Variants in AGAP6 observed in about 807,000 individuals in gnomAD.
AGAP6 encodes the protein ArfGAP with GTPase domain, ankyrin repeat and PH domain 6, also known as arf-GAP with GTPase, ANK repeat and PH domain-containing protein 6.
Under a neutral mutation model 63.9 loss-of-function variants are expected in AGAP6, and 29 were observed. The ratio of observed to expected loss-of-function variants is 0.45; its 90% CI spans 0.34 to 0.62. The LOEUF is 0.62. Ranked by LOEUF, AGAP6 falls within the 20% of genes least tolerant of loss-of-function variation. The pLI is 0.01. For missense variants in AGAP6, 493 were observed against 884.9 expected (o/e 0.56, Z 5.62); for synonymous variants, 199 against 332.9 (o/e 0.60, Z 4.38).
chr10:50,005,446 C>T (rs1841881174), intron 6 of AGAP6, among the ~76,000 whole-genome samples: 1 of 152,138 alleles, frequency 6.6e-6, no homozygotes, highest in Admixed American at 6.5e-5. Context: ...CCCGTCTCTA[C>T]TAAAAATACA....
chr10:50,010,406 GC>G lies in AGAP6; in HGVS notation c.*222del. On this transcript the variant is annotated 3_prime_UTR_variant, in exon 8 of 8. Transcript: ENST00000412531. ...GATTTGTTAGTCTCAGGCCCTCCTG[GC>G]CACATTGCCCAAGTCACACAGGCTT... 1 of 930,114 alleles carries G rather than the reference GC, an allele frequency of 1.1e-6. No homozygotes were observed. The highest frequency in any genetic ancestry group is 1.6e-6 in the Non-Finnish European group (1 of 621,084). 57.6% of individuals were successfully genotyped at this position (930,114 alleles called of 1,614,324 possible).
intron 2 of AGAP6, among the ~76,000 whole-genome samples, chr10:49,991,394 T>TG (rs1380670545): frequency 2.7e-5 from 4 of 149,866 alleles, no homozygotes; most frequent in East Asian, 2.0e-4. Flanking sequence ...GTTTTTTTTT[T>TG]TTTTTTTTTT....
At position 49,993,901 on chromosome 10, in the gene AGAP6, G is replaced by T. The variant is rs542456336; in HGVS notation, c.362-494G>T. ...TTTTTAATTTTGATTTGTTTTTAGTGACATATTAGTAGATAACCACTAAGT... is the reference window on the plus strand; with the variant it reads ...TTTTTAATTTTGATTTGTTTTTAGTTACATATTAGTAGATAACCACTAAGT... On this transcript the variant is annotated intron_variant, in intron 3 of 7. Coordinates refer to ENST00000412531, the MANE Select transcript of AGAP6 (RefSeq NM_001077665.3). Among the ~76,000 whole-genome samples the T allele has an allele frequency of 3.9e-5, 6 of 151,900 alleles. 1 individual carries two copies. In the Middle Eastern group the frequency reaches 0.014, roughly 349 times the overall value.
intron 6 of AGAP6, among the ~76,000 whole-genome samples, chr10:50,005,096 C>A (rs1241134118): frequency 1.3e-5 from 2 of 152,112 alleles, no homozygotes; most frequent in East Asian, 3.8e-4. Flanking sequence ...TGGCCTCTAC[C>A]AACTAGATGT....
chr10:50,006,776 C>A (rs555012034), intron 6 of AGAP6, among the ~76,000 whole-genome samples: 4 of 151,542 alleles, frequency 2.6e-5, no homozygotes, highest in African/African-American at 9.8e-5. Flanking sequence ...AAAAAAAAAG[C>A]GCTTCTGGTT....
intron 3 of AGAP6, among the ~76,000 whole-genome samples, chr10:49,993,746 G>A (rs1179841563): frequency 4.0e-5 from 6 of 151,754 alleles, no homozygotes; most frequent in African/African-American, 1.5e-4. Context: ...GTTGAACCTG[G>A]GAGGCAGAGG....
intron 6 of AGAP6, among the ~76,000 whole-genome samples, chr10:50,006,604 C>T (rs1274568563): frequency 2.6e-5 from 4 of 152,078 alleles, no homozygotes; most frequent in African/African-American, 7.2e-5. Flanking sequence ...CTCGAACTCC[C>T]GAAGGAGCTC....
At chr10:50,003,941 T>C (rs1589101674) in intron 5 of AGAP6, among the ~76,000 whole-genome samples, 1 of 152,348 alleles carries the variant, frequency 6.6e-6, no homozygotes, top group Non-Finnish European at 1.5e-5. Context: ...CATGCTAATA[T>C]TACAGGCTTT....
Position 49,999,153 on chromosome 10 carries a change from G to A in AGAP6, c.397-2843G>A, listed in dbSNP as rs1217383093. Among the ~76,000 whole-genome samples the A allele has an allele frequency of 9.5e-5, 13 of 136,484 alleles. 3 individuals carry two copies. The Admixed American group carries it at 1.0e-3, about 10-fold the overall frequency. The allele number at this position is 136,484 out of a possible 152,430, so 89.5% of individuals were successfully genotyped here. On this transcript the variant is annotated intron_variant, in intron 4 of 7. Coordinates refer to ENST00000412531, the MANE Select transcript of AGAP6 (RefSeq NM_001077665.3). ...CTCAGGTGGCTGAGGCAGGAGAATC[G>A]CTTGAACCTCGGAGGCAGAGGTTGC... is the stretch of plus-strand genomic sequence containing the variant.
chr10:49,999,532 G>A (rs1841616535), intron 4 of AGAP6, among the ~76,000 whole-genome samples: 1 of 133,430 alleles, frequency 7.5e-6, no homozygotes, highest in Non-Finnish European at 1.6e-5. Flanking sequence ...AAAGTTGAAA[G>A]CATTCCCCCC....
At position 50,010,393 on chromosome 10, in the gene AGAP6, T is replaced by A; in HGVS notation, c.*207T>A. ...TTCTGCCAAGGTGGATTTGTTAGTC[T>A]CAGGCCCTCCTGGCCACATTGCCCA... is the stretch of plus-strand genomic sequence containing the variant. On this transcript the variant is annotated 3_prime_UTR_variant, in exon 8 of 8. Coordinates refer to ENST00000412531, the MANE Select transcript of AGAP6 (RefSeq NM_001077665.3). 1 of 1,123,252 alleles carries A rather than the reference T, an allele frequency of 8.9e-7. No individual in the cohort carries two copies. The highest frequency in any genetic ancestry group is 2.5e-5 in the East Asian group (1 of 39,442). 69.6% of individuals were successfully genotyped at this position (1,123,252 alleles called of 1,614,324 possible).
chr10:50,008,120 G>C (rs1554864291), intron 7 of AGAP6, 44 bp downstream of exon 7: 9 of 1,611,624 alleles, frequency 5.6e-6, no homozygotes, highest in Admixed American at 1.7e-5. Context: ...TCATACACTT[G>C]TATCTGTTTC....
At chr10:50,006,777 G>A (rs1349792862) in intron 6 of AGAP6, among the ~76,000 whole-genome samples, 8 of 151,680 alleles carry the variant, frequency 5.3e-5, no homozygotes, top group South Asian at 2.1e-4. Context: ...AAAAAAAAGC[G>A]CTTCTGGTTA....
At position 50,010,321 on chromosome 10, in the gene AGAP6, A is replaced by G. The variant is rs551989757; in HGVS notation, c.*135A>G. On this transcript the variant is annotated 3_prime_UTR_variant, in exon 8 of 8. Coordinates refer to ENST00000412531, the MANE Select transcript of AGAP6 (RefSeq NM_001077665.3). ...TCAGTACTTTTCGTAAACTAAGTAA[A>G]TACACAAAATGTTGATTTTTCTGAC... 3.9e-6 allele frequency: 6 copies of G among 1,558,178 alleles called. No homozygotes were observed. The African/African-American group carries it at 5.4e-5, about 14-fold the overall frequency.
chr10:49,989,801 G>A (rs373103195), intron 2 of AGAP6, among the ~76,000 whole-genome samples: 32 of 152,290 alleles, frequency 2.1e-4, no homozygotes, highest in African/African-American at 7.0e-4. Context: ...TGTCACAGCC[G>A]GGGCTGCAGA....
rs569930161 is a variant in AGAP6 at position 49,991,635 on chromosome 10, A to T, written c.293-41A>T. On this transcript the variant is annotated intron_variant, in intron 2 of 7. Coordinates refer to ENST00000412531, the MANE Select transcript of AGAP6 (RefSeq NM_001077665.3). ...TAAACGAGTTGATAAATTTTTATCA[A>T]TGATTACATCTTTTTTTCTTTTCTT... The T allele has an allele frequency of 2.5e-6, 4 of 1,594,124 alleles. No homozygotes were observed. In the African/African-American group the frequency reaches 5.4e-5, roughly 21 times the overall value.
rs1195814830 is a variant in AGAP6 at position 50,008,845 on chromosome 10, C to A, written c.720C>A (p.Pro240=). ...QFSVPPTANT[P]TPVCKRSMRW... Reference sequence around the variant, plus strand: ...GTGTTCCTCCCACTGCCAACACACCCACGCCCGTTTGCAAGCGGTCCATGC... The same window carrying A: ...GTGTTCCTCCCACTGCCAACACACCAACGCCCGTTTGCAAGCGGTCCATGC... Residue 240 remains proline (P), a synonymous_variant, in exon 8 of 8, where the codon CCC becomes CCA. Transcript: ENST00000412531. 1 of 1,613,958 alleles carries A rather than the reference C, an allele frequency of 6.2e-7. No individual in the cohort carries two copies. The highest frequency in any genetic ancestry group is 1.3e-5 in the African/African-American group (1 of 74,890).
intron 7 of AGAP6, among the ~76,000 whole-genome samples, chr10:50,008,297 T>C (rs1841983040): frequency 7.5e-6 from 1 of 133,484 alleles, no homozygotes; most frequent in African/African-American, 3.0e-5. Context: ...AGAAGATGTA[T>C]CTTTTTTTTT....
intron 4 of AGAP6, among the ~76,000 whole-genome samples, chr10:49,999,464 C>G (rs1192978933): frequency 7.1e-6 from 1 of 140,306 alleles, no homozygotes; most frequent in Non-Finnish European, 1.5e-5. Flanking sequence ...GGTCACAGCT[C>G]AATATAAGAA....
Sources: gnomAD v4.1 joint callset for allele counts (sites outside exome capture counted in the v4.1 genomes callset) on GRCh38, gnomAD v4.1.1 for gene constraint, MANE v1.5 for transcripts, NCBI Gene and HGNC (gene_info 2026-07-23, HGNC 2026-07-21) for gene names.